MECOM: variants seen among roughly 807,000 people sequenced by gnomAD.
MECOM encodes the protein histone-lysine N-methyltransferase MECOM.
Under a neutral mutation model 116.3 loss-of-function variants are expected in MECOM, and 13 were observed. The observed-to-expected ratio is 0.11, with a 90% CI of 0.07 to 0.18. MECOM has a LOEUF of 0.18. Among genes scored for constraint, MECOM ranks in the 10% least tolerant of loss-of-function variants. The pLI is 1.00. For synonymous variants in MECOM, 528 were observed against 535.2 expected, an observed-to-expected ratio of 0.99 and a Z score of 0.19; for missense variants, 1,299 against 1,509.0, an observed-to-expected ratio of 0.86 and a Z score of 2.31.
At chr3:169,548,637 G>C (rs569425358) in intron 1 of MECOM, among the ~76,000 whole-genome samples, 95 of 152,134 alleles carry the variant, frequency 6.2e-4, no homozygotes, top group Non-Finnish European at 1.2e-3. Flanking sequence ...TTCATGAAAG[G>C]GACAATAGAG....
intron 2 of MECOM, among the ~76,000 whole-genome samples, chr3:169,216,821 A>G (rs1473604209): frequency 6.6e-6 from 1 of 152,208 alleles, no homozygotes; most frequent in East Asian, 1.9e-4. Flanking sequence ...AGGTAGCTCA[A>G]TAAAAAGTTG....
chr3:169,598,928 C>T (rs1172292451), intron 1 of MECOM, among the ~76,000 whole-genome samples: 2 of 152,152 alleles, frequency 1.3e-5, no homozygotes, highest in Admixed American at 1.3e-4. Flanking sequence ...ACAGGTCAGA[C>T]TGTGACCTTA....
chr3:169,181,343 C>T (rs969121367), intron 2 of MECOM, among the ~76,000 whole-genome samples: 4 of 152,100 alleles, frequency 2.6e-5, no homozygotes, highest in Non-Finnish European at 5.9e-5. Flanking sequence ...CTATTTAGTG[C>T]CATTAACCAT....
chr3:169,169,694 G>A (rs577867994), intron 2 of MECOM, among the ~76,000 whole-genome samples: 1 of 152,220 alleles, frequency 6.6e-6, no homozygotes, highest in South Asian at 2.1e-4. Flanking sequence ...GATAGTGAGA[G>A]CAAGAAGTAA....
intron 1 of MECOM, among the ~76,000 whole-genome samples, chr3:169,602,576 C>G (rs1767960644): frequency 6.6e-6 from 1 of 152,138 alleles, no homozygotes; most frequent in Admixed American, 6.6e-5. Context: ...ATAGCACAAC[C>G]CACTAGAGGC....
chr3:169,289,549 A>T (rs908419905), intron 2 of MECOM, among the ~76,000 whole-genome samples: 3 of 152,196 alleles, frequency 2.0e-5, no homozygotes, highest in Non-Finnish European at 4.4e-5. Context: ...CAAAACAAAA[A>T]GGGTTGTTTC....
chr3:169,475,954 G>T (rs1750309236), intron 1 of MECOM, among the ~76,000 whole-genome samples: 1 of 152,226 alleles, frequency 6.6e-6, no homozygotes, highest in South Asian at 2.1e-4. Context: ...GAAGCACAGA[G>T]ATATTTGCTC....
At chr3:169,507,724 C>T (rs1197816463) in intron 1 of MECOM, among the ~76,000 whole-genome samples, 1 of 131,446 alleles carries the variant, frequency 7.6e-6, no homozygotes, top group Non-Finnish European at 1.5e-5. Flanking sequence ...TGCAGTGGCG[C>T]GATCTCGGCT....
intron 2 of MECOM, among the ~76,000 whole-genome samples, chr3:169,291,358 CATATTATAG>C (rs1332453285): frequency 5.3e-5 from 8 of 152,092 alleles, no homozygotes; most frequent in Admixed American, 6.6e-5. Flanking sequence ...TGTAACATGA[CATATTATAG>C]AAGAGTATAA....
intron 9 of MECOM, among the ~76,000 whole-genome samples, chr3:169,110,976 A>C (rs527411491): frequency 6.6e-6 from 1 of 152,178 alleles, no homozygotes; most frequent in African/African-American, 2.4e-5. Flanking sequence ...AAAATATAAC[A>C]TATTTGCTCT....
chr3:169,201,331 T>C (rs1226746035), intron 2 of MECOM, among the ~76,000 whole-genome samples: 1 of 151,974 alleles, frequency 6.6e-6, no homozygotes, highest in Non-Finnish European at 1.5e-5. Context: ...ACAATGAAAT[T>C]CAATCTCTTA....
chr3:169,198,161 T>C (rs1748675664), intron 2 of MECOM, among the ~76,000 whole-genome samples: 1 of 152,014 alleles, frequency 6.6e-6, no homozygotes, highest in South Asian at 2.1e-4. Context: ...CTTCTGACAA[T>C]AAAAGATGAT....
intron 1 of MECOM, among the ~76,000 whole-genome samples, chr3:169,473,202 A>AT (rs1055518606): frequency 6.6e-6 from 1 of 152,202 alleles, no homozygotes; most frequent in African/African-American, 2.4e-5. Context: ...CTGGAAGTAG[A>AT]TTCAGGAATT....
chr3:169,472,888 G>T (rs1452061928), intron 1 of MECOM: 3 of 761,980 alleles, frequency 3.9e-6, no homozygotes, highest in Admixed American at 6.3e-5. Flanking sequence ...TACTATTGTG[G>T]TAAGACAAAT....
At chr3:169,433,731 A>G (rs1328113292) in intron 1 of MECOM, among the ~76,000 whole-genome samples, 3 of 152,156 alleles carry the variant, frequency 2.0e-5, no homozygotes, top group Non-Finnish European at 4.4e-5. Flanking sequence ...TTTCAATAAC[A>G]TTGAGAGCAG....
intron 2 of MECOM, among the ~76,000 whole-genome samples, chr3:169,210,208 A>G (rs777449269): frequency 6.6e-6 from 1 of 152,238 alleles, no homozygotes; most frequent in Non-Finnish European, 1.5e-5. Context: ...GAGGGAGAGC[A>G]TTAGGACAAA....
chr3:169,608,208 C>A (rs550587722), intron 1 of MECOM, among the ~76,000 whole-genome samples: 2 of 152,284 alleles, frequency 1.3e-5, no homozygotes, highest in African/African-American at 4.8e-5. Flanking sequence ...AACACCTGCA[C>A]CAGTGGCCAA....
intron 1 of MECOM, among the ~76,000 whole-genome samples, chr3:169,416,412 A>T (rs1212003269): frequency 6.6e-6 from 1 of 152,230 alleles, no homozygotes; most frequent in African/African-American, 2.4e-5. Flanking sequence ...AAATGCCCAC[A>T]GGAGAAAATG....
At chr3:169,207,288 A>G (rs916345778) in intron 2 of MECOM, among the ~76,000 whole-genome samples, 1 of 152,184 alleles carries the variant, frequency 6.6e-6, no homozygotes, top group African/African-American at 2.4e-5. Flanking sequence ...CCTGGAAAGG[A>G]ATTCCATATC....
Sources: allele counts gnomAD v4.1 joint callset (sites outside exome capture counted in the v4.1 genomes callset), GRCh38; gene constraint gnomAD v4.1.1; transcripts MANE v1.5; gene names NCBI Gene and HGNC (gene_info 2026-07-23, HGNC 2026-07-21).